Variants in SBF2 observed in about 807,000 individuals in gnomAD.
The protein encoded by SBF2 is SET binding factor 2.
A neutral mutation model predicts 225.2 loss-of-function variants in SBF2; 112 were observed. The observed-to-expected ratio is 0.50, with a 90% CI of 0.43 to 0.58. The LOEUF is 0.58. Among genes scored for constraint, SBF2 ranks in the 20% least tolerant of loss-of-function variants. SBF2 has a pLI of 0.00. For synonymous variants in SBF2, 763 were observed against 773.3 expected (o/e 0.99, Z 0.22); for missense variants, 1,996 against 2,206.2 (o/e 0.90, Z 1.91).
At chr11:9,809,101 G>A (rs920278788) in intron 30 of SBF2, 99 bp from the exon 31 acceptor site, 24 of 826,692 alleles carry the variant, frequency 2.9e-5, no homozygotes, top group Non-Finnish European at 4.5e-5. Flanking sequence ...ACGACTTAGG[G>A]ATAAAGCGCT....
chr11:10,155,391 T>G (rs1202665811), intron 2 of SBF2, among the ~76,000 whole-genome samples: 1 of 118,502 alleles, frequency 8.4e-6, no homozygotes, highest in East Asian at 2.2e-4. Flanking sequence ...TAGAAGAGGG[T>G]GGAACAAACT....
chr11:10,236,585 G>A (rs879731732), intron 1 of SBF2, among the ~76,000 whole-genome samples: 1 of 151,454 alleles, frequency 6.6e-6, no homozygotes, highest in Non-Finnish European at 1.5e-5. Flanking sequence ...TCAGCCTCCC[G>A]AGTAGCTGGG....
intron 30 of SBF2, chr11:9,810,779 C>T (rs1230042460): frequency 1.3e-5 from 2 of 152,194 alleles, no homozygotes; most frequent in Non-Finnish European, 2.9e-5. Flanking sequence ...TAAATTAGTT[C>T]AGCCATTGTA....
At chr11:10,021,875 T>G (rs1197801420) in intron 6 of SBF2, among the ~76,000 whole-genome samples, 2 of 152,212 alleles carry the variant, frequency 1.3e-5, no homozygotes, top group Non-Finnish European at 2.9e-5. Context: ...CCATGTGCTT[T>G]GGAAACAACA....
At chr11:10,208,127 G>A (rs1431954009) in intron 1 of SBF2, among the ~76,000 whole-genome samples, 2 of 152,076 alleles carry the variant, frequency 1.3e-5, no homozygotes, top group Non-Finnish European at 2.9e-5. Context: ...GTGACCTTAA[G>A]CAAATCCTCT....
chr11:9,831,073 A>C (rs1409361286), intron 27 of SBF2, among the ~76,000 whole-genome samples: 1 of 152,142 alleles, frequency 6.6e-6, no homozygotes, highest in Non-Finnish European at 1.5e-5. Context: ...ATCGTGGCTC[A>C]CTATAGCCTT....
chr11:9,906,312 C>T (rs1862112909), intron 16 of SBF2, among the ~76,000 whole-genome samples: 1 of 152,182 alleles, frequency 6.6e-6, no homozygotes, highest in Admixed American at 6.5e-5. Context: ...TGTAATGACA[C>T]TGTCCAAACT....
chr11:10,031,955 G>C (rs1031517842), intron 3 of SBF2, among the ~76,000 whole-genome samples: 4 of 152,058 alleles, frequency 2.6e-5, no homozygotes, highest in African/African-American at 9.7e-5. Flanking sequence ...TTGCCCAGCT[G>C]GTTTCAAACT....
intron 17 of SBF2, among the ~76,000 whole-genome samples, chr11:9,879,800 G>A (rs1008766259): frequency 6.6e-6 from 1 of 152,078 alleles, no homozygotes; most frequent in African/African-American, 2.4e-5. Flanking sequence ...ATCTCAGGAT[G>A]AGGCCAGGCT....
At chr11:10,247,841 A>G (rs564108505) in intron 1 of SBF2, among the ~76,000 whole-genome samples, 9 of 152,216 alleles carry the variant, frequency 5.9e-5, no homozygotes, top group Non-Finnish European at 1.0e-4. Flanking sequence ...ATAAAAAACA[A>G]AAATCAGGTG....
chr11:10,201,160 G>A (rs1244897861), intron 1 of SBF2, among the ~76,000 whole-genome samples: 1 of 152,148 alleles, frequency 6.6e-6, no homozygotes, highest in Non-Finnish European at 1.5e-5. Context: ...TACATGTATT[G>A]ATTTACTCAT....
At chr11:9,922,819 C>T (rs1225322667) in intron 16 of SBF2, among the ~76,000 whole-genome samples, 1 of 152,136 alleles carries the variant, frequency 6.6e-6, no homozygotes, top group Non-Finnish European at 1.5e-5. Context: ...TAACCTTTTA[C>T]CTCCCTGTTA....
rs369698318 is a variant in SBF2 at position 9,955,474 on chromosome 11, G to T, written c.1860+6483C>A. On this transcript the variant is annotated intron_variant, in intron 16 of 39. Coordinates refer to ENST00000256190, the MANE Select transcript of SBF2 (RefSeq NM_030962.4). ...AGCTGAACAGTGTTCTAAAGAAGAGGTGCACCATATTTAATCGCTAGCCAA... is the reference window on the plus strand; with the variant it reads ...AGCTGAACAGTGTTCTAAAGAAGAGTTGCACCATATTTAATCGCTAGCCAA... 4.9e-3 allele frequency among the ~76,000 whole-genome samples: 744 copies of T among 152,046 alleles called. 5 individuals carry two copies. Among genetic ancestry groups the T allele is most frequent in the African/African-American group, 0.017 (706 of 41,520 alleles).
intron 2 of SBF2, among the ~76,000 whole-genome samples, chr11:10,175,031 C>T (rs1385754084): frequency 2.6e-5 from 4 of 152,054 alleles, no homozygotes; most frequent in Non-Finnish European, 2.9e-5. Context: ...TGGAAAGGAA[C>T]GACCGATACC....
chr11:10,042,189 G>C (rs1949680532), intron 3 of SBF2, among the ~76,000 whole-genome samples: 1 of 152,152 alleles, frequency 6.6e-6, no homozygotes, highest in African/African-American at 2.4e-5. Flanking sequence ...TATGAGAATA[G>C]CACCAAGCTG....
At chr11:10,044,847 C>T (rs1389574352) in intron 2 of SBF2, among the ~76,000 whole-genome samples, 3 of 152,200 alleles carry the variant, frequency 2.0e-5, no homozygotes, top group African/African-American at 7.2e-5. Flanking sequence ...CTCTTGTGAT[C>T]GTGGCTGATG....
intron 13 of SBF2, among the ~76,000 whole-genome samples, chr11:9,978,770 T>C (rs941514877): frequency 4.0e-5 from 6 of 151,736 alleles, no homozygotes; most frequent in Admixed American, 2.0e-4. Flanking sequence ...CCGAGGCGAG[T>C]GGATCCCTTG....
chr11:9,809,078 C>T, intron 30 of SBF2, 76 bp from the exon 31 acceptor site: 2 of 1,108,852 alleles, frequency 1.8e-6, no homozygotes, highest in Non-Finnish European at 2.8e-6. Context: ...TGCTTTCAAC[C>T]CTGGATAATC....
chr11:10,018,961 T>C (rs1948746414), intron 6 of SBF2, among the ~76,000 whole-genome samples: 1 of 152,194 alleles, frequency 6.6e-6, no homozygotes, highest in South Asian at 2.1e-4. Context: ...CTTCTTCTTC[T>C]AGAATGCCCT....
Sources: gnomAD v4.1 joint callset for allele counts (sites outside exome capture counted in the v4.1 genomes callset) on GRCh38, gnomAD v4.1.1 for gene constraint, MANE v1.5 for transcripts, NCBI Gene and HGNC (gene_info 2026-07-23, HGNC 2026-07-21) for gene names.